Variants in NEK10 observed in about 807,000 individuals in gnomAD.
The protein encoded by NEK10 is serine/threonine-protein kinase Nek10.
Under a neutral mutation model 159.8 loss-of-function variants are expected in NEK10, and 122 were observed. That is an observed-to-expected ratio of 0.76 (90% confidence interval 0.66 to 0.89). The LOEUF is 0.89. Ranked by LOEUF, NEK10 falls within the 40% of genes least tolerant of loss-of-function variation. The pLI is 0.00. For synonymous variants in NEK10, 466 were observed against 457.1 expected (o/e 1.02, Z -0.25); for missense variants, 1,342 against 1,323.1 (o/e 1.01, Z -0.22).
chr3:27,123,156 G>C (rs1395166522), intron 32 of NEK10, among the ~76,000 whole-genome samples: 1 of 152,146 alleles, frequency 6.6e-6, no homozygotes, highest in African/African-American at 2.4e-5. Flanking sequence ...AAATAATCTG[G>C]TTTCTGTGAG....
At chr3:27,295,792 A>T in intron 14 of NEK10, 102 bp from the exon 15 acceptor site, 1 of 1,375,164 alleles carries the variant, frequency 7.3e-7, no homozygotes, top group Non-Finnish European at 9.5e-7. Flanking sequence ...CAAAGAAGAA[A>T]TATTAGTATA....
chr3:27,150,982 A>G (rs1304733555), intron 30 of NEK10, among the ~76,000 whole-genome samples: 1 of 152,100 alleles, frequency 6.6e-6, no homozygotes, highest in Non-Finnish European at 1.5e-5. Context: ...GACACCCCAA[A>G]TGCTCCAGCT....
intron 16 of NEK10, among the ~76,000 whole-genome samples, 167 bp from the exon 17 acceptor site, chr3:27,291,753 C>T (rs2043013138): frequency 6.6e-6 from 1 of 152,192 alleles, no homozygotes; most frequent in Non-Finnish European, 1.5e-5. Flanking sequence ...CGCCATTCTC[C>T]TGCCTCAGCC....
chr3:27,186,989 A>C (rs917110587), intron 26 of NEK10, among the ~76,000 whole-genome samples: 3 of 152,158 alleles, frequency 2.0e-5, no homozygotes, highest in Admixed American at 2.0e-4. Flanking sequence ...GGCTGCTTAA[A>C]CTAAGAATGC....
intron 5 of NEK10, among the ~76,000 whole-genome samples, chr3:27,337,668 T>C (rs1217565712): frequency 6.6e-6 from 1 of 152,136 alleles, no homozygotes; most frequent in Non-Finnish European, 1.5e-5. Context: ...CAATTGATTT[T>C]TAACAAAGGC....
At chr3:27,212,358 C>T (rs13098650) in intron 23 of NEK10, among the ~76,000 whole-genome samples, 1 of 152,010 alleles carries the variant, frequency 6.6e-6, no homozygotes, top group African/African-American at 2.4e-5. Context: ...AAAAATGCTG[C>T]ACAAACTAGA....
intron 29 of NEK10, among the ~76,000 whole-genome samples, chr3:27,171,186 T>A (rs890765968): frequency 6.6e-6 from 1 of 152,208 alleles, no homozygotes; most frequent in Non-Finnish European, 1.5e-5. Context: ...TTTCAGTCCC[T>A]ACTCTAAGAA....
chr3:27,189,155 A>C (rs759987653), intron 26 of NEK10, among the ~76,000 whole-genome samples: 9 of 152,140 alleles, frequency 5.9e-5, no homozygotes, highest in Non-Finnish European at 1.3e-4. Flanking sequence ...TTCAAAAGGA[A>C]AGGTTTGGTT....
chr3:27,343,899 C>T (rs147646331), intron 5 of NEK10, among the ~76,000 whole-genome samples: 168 of 152,296 alleles, frequency 1.1e-3, no homozygotes, highest in African/African-American at 3.8e-3. Context: ...TCAAGGCTTG[C>T]GCAGTCCATT....
At chr3:27,251,469 A>T (rs766424676) in intron 23 of NEK10, among the ~76,000 whole-genome samples, 1 of 152,074 alleles carries the variant, frequency 6.6e-6, no homozygotes, top group East Asian at 1.9e-4. Context: ...TTGTTTTTAA[A>T]GTGTGTGGCA....
intron 29 of NEK10, among the ~76,000 whole-genome samples, chr3:27,164,835 G>T (rs963681926): frequency 4.6e-5 from 7 of 152,190 alleles, no homozygotes; most frequent in African/African-American, 1.7e-4. Context: ...TTCTTGAAAA[G>T]CTGATAATCA....
intron 23 of NEK10, among the ~76,000 whole-genome samples, chr3:27,218,073 C>A (rs927309839): frequency 6.6e-6 from 1 of 152,128 alleles, no homozygotes; most frequent in Non-Finnish European, 1.5e-5. Flanking sequence ...TGACAGTTGA[C>A]CTGATCACTG....
At chr3:27,183,210 T>G (rs893719819) in intron 26 of NEK10, among the ~76,000 whole-genome samples, 1 of 151,852 alleles carries the variant, frequency 6.6e-6, no homozygotes, top group Non-Finnish European at 1.5e-5. Flanking sequence ...ACAATTATTA[T>G]GTACTCAAAA....
In NEK10 at chr3:27,235,833, A is replaced by G. The variant is rs183845052; in HGVS notation, c.2090+20463T>C. ...ATGCACTATTCACTTGTTCATGCAC[A>G]TGTTCATTGCTGCACTATTCACAAT... On this transcript the variant is annotated intron_variant, in intron 23 of 35. Transcript: ENST00000691995. Among the ~76,000 whole-genome samples, 225 of 152,234 alleles carry G rather than the reference A, an allele frequency of 1.5e-3. 1 individual carries two copies. The highest frequency in any genetic ancestry group is 5.3e-3 in the African/African-American group (220 of 41,550).
intron 22 of NEK10, among the ~76,000 whole-genome samples, chr3:27,271,619 T>C (rs1297094461): frequency 1.3e-5 from 2 of 152,128 alleles, no homozygotes; most frequent in African/African-American, 2.4e-5. Context: ...CAGATATCCA[T>C]AAAAACACAG....
intron 26 of NEK10, among the ~76,000 whole-genome samples, chr3:27,180,132 T>C (rs985328556): frequency 4.6e-5 from 7 of 151,646 alleles, no homozygotes; most frequent in African/African-American, 1.7e-4. Flanking sequence ...TGGTGGCTCA[T>C]GCCTTTAATC....
At chr3:27,119,002 C>T (rs1285988204) in intron 33 of NEK10, among the ~76,000 whole-genome samples, 1 of 152,116 alleles carries the variant, frequency 6.6e-6, no homozygotes, top group African/African-American at 2.4e-5. Context: ...ACATAGCTAC[C>T]GTTTATAAAG....
intron 20 of NEK10, among the ~76,000 whole-genome samples, chr3:27,286,833 A>G (rs2042652395): frequency 6.6e-6 from 1 of 152,072 alleles, no homozygotes; most frequent in Non-Finnish European, 1.5e-5. Context: ...ATAGAAAATT[A>G]TTTTAATATC....
At chr3:27,237,163 A>G (rs1954021007) in intron 23 of NEK10, among the ~76,000 whole-genome samples, 1 of 152,160 alleles carries the variant, frequency 6.6e-6, no homozygotes, top group African/African-American at 2.4e-5. Context: ...CTGACCCCGC[A>G]GGCAGTCAGA....
Sources: allele counts gnomAD v4.1 joint callset (sites outside exome capture counted in the v4.1 genomes callset), GRCh38; gene constraint gnomAD v4.1.1; transcripts MANE v1.5; gene names NCBI Gene and HGNC (gene_info 2026-07-23, HGNC 2026-07-21).